SEMA3E: variants seen among roughly 807,000 people sequenced by gnomAD.
The protein encoded by SEMA3E is semaphorin-3E.
Under a neutral mutation model 93.6 loss-of-function variants are expected in SEMA3E, and 49 were observed. The observed-to-expected ratio is 0.52, with a 90% CI of 0.42 to 0.66. The LOEUF (loss-of-function observed/expected upper bound fraction) is 0.66, where lower values mean the gene tolerates loss of function less well. Ranked by LOEUF, SEMA3E falls within the 30% of genes least tolerant of loss-of-function variation. SEMA3E has a pLI of 0.00. For missense variants in SEMA3E, 906 were observed against 964.8 expected (o/e 0.94, Z 0.81); for synonymous variants, 363 against 330.7 (o/e 1.10, Z -1.06).
intron 1 of SEMA3E, among the ~76,000 whole-genome samples, chr7:83,595,518 A>G (rs1792853990): frequency 1.3e-5 from 2 of 152,078 alleles, no homozygotes; most frequent in East Asian, 1.9e-4. Context: ...TGATTTTTCC[A>G]CTAATGTCCT....
chr7:83,606,506 G>A (rs535376164), intron 1 of SEMA3E, among the ~76,000 whole-genome samples: 354 of 147,274 alleles, frequency 2.4e-3, no homozygotes, highest in African/African-American at 8.3e-3. Flanking sequence ...GTAAACTATC[G>A]CAAGAACAAA....
intron 16 of SEMA3E, among the ~76,000 whole-genome samples, chr7:83,370,814 T>G (rs1454398672): frequency 1.3e-5 from 2 of 152,122 alleles, no homozygotes; most frequent in Non-Finnish European, 2.9e-5. Context: ...TCAATTAAAT[T>G]TCCTGTGTCA....
At chr7:83,502,641 G>GC (rs1642295855) in intron 1 of SEMA3E, among the ~76,000 whole-genome samples, 1 of 152,128 alleles carries the variant, frequency 6.6e-6, no homozygotes, top group Non-Finnish European at 1.5e-5. Context: ...TTCCAACCAG[G>GC]CATTCTAAGT....
intron 1 of SEMA3E, 33 bp from the exon 2 acceptor site, chr7:83,490,307 A>G: frequency 6.2e-7 from 1 of 1,603,970 alleles, no homozygotes; most frequent in East Asian, 2.2e-5. Context: ...CACTAAGCAC[A>G]CGAGAAAATG....
In SEMA3E at chr7:83,649,052, A is replaced by C. The variant is rs1794120384; in HGVS notation, c.-510T>G. ...TTTCACCTTGCTAATTAAAAACAAG[A>C]AGTGCCATTCCCTCTAGGAGTCGCA... is the stretch of plus-strand genomic sequence containing the variant. On this transcript the variant is annotated 5_prime_UTR_variant, in exon 1 of 17. Transcript: ENST00000643230. 6.1e-6 allele frequency: 1 copy of C among 164,728 alleles called. No homozygotes were observed. The highest frequency in any genetic ancestry group is 1.3e-5 in the Non-Finnish European group (1 of 74,924). The allele number at this position is 164,728 out of a possible 1,614,324, so 10.2% of individuals were successfully genotyped here.
intron 1 of SEMA3E, among the ~76,000 whole-genome samples, chr7:83,591,092 C>A (rs1313419553): frequency 8.2e-6 from 1 of 121,762 alleles, no homozygotes; most frequent in Non-Finnish European, 1.6e-5. Context: ...TAAACTTTAT[C>A]TTAGAGTTAT....
chr7:83,545,151 A>T (rs1791617971), intron 1 of SEMA3E, among the ~76,000 whole-genome samples: 1 of 152,216 alleles, frequency 6.6e-6, no homozygotes, highest in African/African-American at 2.4e-5. Flanking sequence ...ATGTGATTTT[A>T]TTGTGCATTT....
intron 1 of SEMA3E, among the ~76,000 whole-genome samples, chr7:83,541,274 T>C (rs1249964169): frequency 1.3e-5 from 2 of 152,236 alleles, no homozygotes; most frequent in East Asian, 1.9e-4. Context: ...GAAGTTTCTA[T>C]ATATTATGAA....
intron 14 of SEMA3E, among the ~76,000 whole-genome samples, chr7:83,387,364 G>A (rs1471457007): frequency 2.0e-5 from 3 of 152,084 alleles, no homozygotes; most frequent in African/African-American, 4.8e-5. Context: ...GTTTGAGAAT[G>A]TCTTGAATGG....
intron 2 of SEMA3E, among the ~76,000 whole-genome samples, chr7:83,487,931 G>C (rs1790300556): frequency 1.3e-5 from 2 of 152,216 alleles, no homozygotes; most frequent in South Asian, 4.1e-4. Context: ...TAAAACTGGA[G>C]TGTAGATGCC....
At chr7:83,368,385 G>A (rs1485267311) in intron 16 of SEMA3E, among the ~76,000 whole-genome samples, 1 of 152,146 alleles carries the variant, frequency 6.6e-6, no homozygotes, top group Non-Finnish European at 1.5e-5. Context: ...GTCACAGTAA[G>A]AGTGAAAGGA....
At chr7:83,392,487 A>T (rs1178281762) in intron 14 of SEMA3E, 68 bp downstream of exon 14, 1 of 11,342 alleles carries the variant, frequency 8.8e-5, no homozygotes, top group Non-Finnish European at 1.9e-4. Context: ...TCAAGTTAAA[A>T]AAAAAAAAAA....
At chr7:83,576,736 G>C (rs215293) in intron 1 of SEMA3E, among the ~76,000 whole-genome samples, 5 of 151,832 alleles carry the variant, frequency 3.3e-5, no homozygotes, top group African/African-American at 4.8e-5. Context: ...AGCGATTCTC[G>C]TGCCTCAGCC....
Position 83,492,921 on chromosome 7 carries a change from G to T in SEMA3E, c.116-2647C>A, listed in dbSNP as rs537874505. Among the ~76,000 whole-genome samples the T allele has an allele frequency of 2.0e-5, 3 of 151,910 alleles. No individual in the cohort carries two copies. In the South Asian group the frequency reaches 6.2e-4, roughly 32 times the overall value. ...AAACATGAGAATTAAAGTATAACAGGTGCGTATATTATAACCAAAGGTCTT... is the reference window on the plus strand; with the variant it reads ...AAACATGAGAATTAAAGTATAACAGTTGCGTATATTATAACCAAAGGTCTT... On this transcript the variant is annotated intron_variant, in intron 1 of 16. Transcript: ENST00000643230.
chr7:83,521,901 A>G (rs1791057221), intron 1 of SEMA3E, among the ~76,000 whole-genome samples: 1 of 152,080 alleles, frequency 6.6e-6, no homozygotes, highest in Non-Finnish European at 1.5e-5. Flanking sequence ...AGAAGACTCA[A>G]CTCAGTTCAT....
chr7:83,435,742 T>C (rs1372191008), intron 4 of SEMA3E, among the ~76,000 whole-genome samples: 1 of 152,226 alleles, frequency 6.6e-6, no homozygotes, highest in Non-Finnish European at 1.5e-5. Flanking sequence ...GAATGTAACA[T>C]CTTCGTCTAT....
intron 1 of SEMA3E, among the ~76,000 whole-genome samples, chr7:83,645,630 G>A (rs961037321): frequency 6.6e-6 from 1 of 151,880 alleles, no homozygotes; most frequent in African/African-American, 2.4e-5. Flanking sequence ...AAGAGAGAGG[G>A]ATTCAATATT....
intron 2 of SEMA3E, among the ~76,000 whole-genome samples, chr7:83,481,614 A>G (rs1481705720): frequency 1.3e-5 from 2 of 152,194 alleles, no homozygotes; most frequent in African/African-American, 4.8e-5. Context: ...TAGCATCAGC[A>G]CTGAGTTTTG....
chr7:83,505,016 C>G (rs532582304), intron 1 of SEMA3E, among the ~76,000 whole-genome samples: 1 of 151,846 alleles, frequency 6.6e-6, no homozygotes, highest in Non-Finnish European at 1.5e-5. Flanking sequence ...TTACAAGTTA[C>G]AATAACAAAA....
Sources: allele counts gnomAD v4.1 joint callset (sites outside exome capture counted in the v4.1 genomes callset), GRCh38; gene constraint gnomAD v4.1.1; transcripts MANE v1.5; gene names NCBI Gene and HGNC (gene_info 2026-07-23, HGNC 2026-07-21).